Variants in SAMD4A observed in about 807,000 individuals in gnomAD.
SAMD4A encodes the protein protein Smaug homolog 1.
Under a neutral mutation model 81.3 loss-of-function variants are expected in SAMD4A, and 33 were observed. That is an observed-to-expected ratio of 0.41 (90% CI 0.31 to 0.54). The LOEUF (loss-of-function observed/expected upper bound fraction) is 0.54, where lower values mean the gene tolerates loss of function less well. Ranked by LOEUF, SAMD4A falls within the 20% of genes least tolerant of loss-of-function variation. The pLI is 0.37. For synonymous variants in SAMD4A, 389 were observed against 382.1 expected, an observed-to-expected ratio of 1.02 and a Z score of -0.21; for missense variants, 854 against 951.1, an observed-to-expected ratio of 0.90 and a Z score of 1.34.
At chr14:54,685,600 G>T in intron 2 of SAMD4A, 61 of 421,510 alleles carry the variant, frequency 1.4e-4, no homozygotes, top group Admixed American at 7.7e-4. Flanking sequence ...TTTTTTCTTT[G>T]TGGTTTCAGA....
At chr14:54,708,479 G>C (rs927224041) in intron 3 of SAMD4A, among the ~76,000 whole-genome samples, 1 of 152,212 alleles carries the variant, frequency 6.6e-6, no homozygotes, top group African/African-American at 2.4e-5. Context: ...GGAGTTAGCA[G>C]CACATGGGTG....
chr14:54,611,897 A>G (rs537475656), intron 2 of SAMD4A, among the ~76,000 whole-genome samples: 7 of 151,960 alleles, frequency 4.6e-5, no homozygotes, highest in Admixed American at 1.3e-4. Context: ...AAAAGAAAAA[A>G]GAAAAGAAGC....
intron 2 of SAMD4A, among the ~76,000 whole-genome samples, chr14:54,667,322 G>A (rs58043917): frequency 0.044 from 6,648 of 152,214 alleles, 237 homozygotes; most frequent in African/African-American, 0.098. Flanking sequence ...AATGCTTACT[G>A]TGTCTTTATG....
intron 7 of SAMD4A, among the ~76,000 whole-genome samples, chr14:54,761,119 G>A (rs747025091): frequency 2.0e-5 from 3 of 152,324 alleles, no homozygotes; most frequent in African/African-American, 4.8e-5. Context: ...GCTCTAGTAC[G>A]AATAGCTTGT....
rs112174959 is a variant in SAMD4A at position 54,603,521 on chromosome 14, T to C, written c.196+35409T>C. Among the ~76,000 whole-genome samples the C allele has an allele frequency of 6.3e-3, 953 of 152,344 alleles. 15 individuals carry two copies. The highest frequency in any genetic ancestry group is 0.021 in the African/African-American group (863 of 41,590). On this transcript the variant is annotated intron_variant, in intron 2 of 12. Coordinates refer to ENST00000554335, the MANE Select transcript of SAMD4A (RefSeq NM_015589.6). ...AGTTCTGTTCTGAGTCCAGTGTGCA[T>C]AGCTCTGGCTCCCACCATGCCCGTT...
chr14:54,654,183 T>C (rs2035469262), intron 2 of SAMD4A, among the ~76,000 whole-genome samples: 3 of 152,206 alleles, frequency 2.0e-5, no homozygotes, highest in Admixed American at 1.3e-4. Context: ...CTTGAGCTCT[T>C]TCCTGTCTAA....
intron 9 of SAMD4A, among the ~76,000 whole-genome samples, 192 bp downstream of exon 9, chr14:54,770,414 G>A (rs1376115726): frequency 3.3e-5 from 5 of 152,246 alleles, no homozygotes; most frequent in African/African-American, 7.2e-5. Flanking sequence ...ATTCCCAGGC[G>A]AAGAGCTGAA....
intron 2 of SAMD4A, among the ~76,000 whole-genome samples, chr14:54,605,807 A>G (rs976699491): frequency 2.0e-5 from 3 of 151,918 alleles, no homozygotes; most frequent in African/African-American, 7.3e-5. Flanking sequence ...ATATATATAT[A>G]TGTATATATA....
intron 8 of SAMD4A, among the ~76,000 whole-genome samples, chr14:54,765,665 C>T (rs1361899282): frequency 6.6e-6 from 1 of 152,152 alleles, no homozygotes; most frequent in Non-Finnish European, 1.5e-5. Context: ...GGCCTCCTCA[C>T]CTTTGCTGCA....
chr14:54,603,696 A>C (rs1034609046), intron 2 of SAMD4A, among the ~76,000 whole-genome samples: 1 of 152,022 alleles, frequency 6.6e-6, no homozygotes, highest in African/African-American at 2.4e-5. Context: ...ATTCATTCCC[A>C]GGGACACTTA....
At chr14:54,761,824 G>T (rs954491410) in intron 7 of SAMD4A, among the ~76,000 whole-genome samples, 2 of 152,288 alleles carry the variant, frequency 1.3e-5, no homozygotes, top group Admixed American at 1.3e-4. Context: ...GGCTGGGTGA[G>T]GTACCCCCTT....
chr14:54,726,822 C>T (rs908707833), intron 3 of SAMD4A, among the ~76,000 whole-genome samples: 7 of 151,962 alleles, frequency 4.6e-5, no homozygotes, highest in African/African-American at 1.2e-4. Flanking sequence ...TGAGAACCAC[C>T]GGTCTAGGAG....
At chr14:54,745,280 C>A (rs903350704) in intron 4 of SAMD4A, among the ~76,000 whole-genome samples, 11 of 152,234 alleles carry the variant, frequency 7.2e-5, no homozygotes, top group African/African-American at 2.7e-4. Context: ...ATATCTCAGC[C>A]ATTTGACCCC....
intron 2 of SAMD4A, among the ~76,000 whole-genome samples, chr14:54,686,555 AC>A (rs2036274728): frequency 8.9e-6 from 1 of 112,074 alleles, no homozygotes. Context: ...TCTTTGGCTA[AC>A]CAGAAAAAAA....
intron 3 of SAMD4A, among the ~76,000 whole-genome samples, chr14:54,705,614 C>T (rs377248957): frequency 1.1e-4 from 16 of 152,296 alleles, no homozygotes; most frequent in East Asian, 5.8e-4. Context: ...TTGGTTTATT[C>T]CACTGCTATT....
Position 54,602,381 on chromosome 14 carries a change from A to G in SAMD4A, c.196+34269A>G, listed in dbSNP as rs573125673. 2.7e-5 allele frequency among the ~76,000 whole-genome samples: 4 copies of G among 149,566 alleles called. No individual in the cohort carries two copies. The South Asian group carries it at 8.5e-4, about 32-fold the overall frequency. On this transcript the variant is annotated intron_variant, in intron 2 of 12. Coordinates refer to ENST00000554335, the MANE Select transcript of SAMD4A (RefSeq NM_015589.6). ...ACACACACACACACACACACGAAACACCAGGATAGCACAGACAGTGGCTTT... is the reference window on the plus strand; with the variant it reads ...ACACACACACACACACACACGAAACGCCAGGATAGCACAGACAGTGGCTTT...
At chr14:54,715,008 T>C (rs112621618) in intron 3 of SAMD4A, among the ~76,000 whole-genome samples, 43 of 152,294 alleles carry the variant, frequency 2.8e-4, no homozygotes, top group African/African-American at 1.0e-3. Flanking sequence ...ATTGTGTTGA[T>C]GTTGCTTCTT....
chr14:54,698,320 A>G (rs1434107396), intron 2 of SAMD4A, among the ~76,000 whole-genome samples: 2 of 152,242 alleles, frequency 1.3e-5, no homozygotes, highest in African/African-American at 2.4e-5. Context: ...TCATATAACT[A>G]TAGAACATCT....
At chr14:54,784,177 T>TGTATGAGGGTACAGAGATA (rs1206316904) in intron 11 of SAMD4A, 2 of 612,484 alleles carry the variant, frequency 3.3e-6, no homozygotes, top group African/African-American at 3.7e-5. Flanking sequence ...AGGAGAGAGC[T>TGTATGAGGGTACAGAGATA]GTATGAGGGT....
Sources: gnomAD v4.1 joint callset for allele counts (sites outside exome capture counted in the v4.1 genomes callset) on GRCh38, gnomAD v4.1.1 for gene constraint, MANE v1.5 for transcripts, NCBI Gene and HGNC (gene_info 2026-07-23, HGNC 2026-07-21) for gene names.